Variants in GRM7 observed in about 807,000 individuals in gnomAD.
GRM7 encodes the protein metabotropic glutamate receptor 7.
Under a neutral mutation model 84.5 loss-of-function variants are expected in GRM7, and 35 were observed. The ratio of observed to expected loss-of-function variants is 0.41; its 90% CI spans 0.32 to 0.55. The LOEUF is 0.55. Among genes scored for constraint, GRM7 ranks in the 20% least tolerant of loss-of-function variants. The probability of loss-of-function intolerance (pLI) is 0.19; values close to 1 mark genes in which losing one functional copy is unlikely to be tolerated. For synonymous variants in GRM7, 487 were observed against 455.1 expected (o/e 1.07, Z -0.89); for missense variants, 1,003 against 1,194.6 (o/e 0.84, Z 2.36).
intron 4 of GRM7, among the ~76,000 whole-genome samples, chr3:7,337,124 C>T (rs1433678520): frequency 6.6e-6 from 1 of 152,088 alleles, no homozygotes; most frequent in Non-Finnish European, 1.5e-5. Flanking sequence ...CACTTACTTA[C>T]AGCCAACTGC....
At chr3:7,697,793 G>A (rs993451213) in intron 9 of GRM7, among the ~76,000 whole-genome samples, 1 of 152,138 alleles carries the variant, frequency 6.6e-6, no homozygotes, top group Non-Finnish European at 1.5e-5. Flanking sequence ...TCTGTCTTGT[G>A]TCTGAGGGAG....
intron 4 of GRM7, among the ~76,000 whole-genome samples, chr3:7,315,971 C>T (rs1178674073): frequency 6.6e-6 from 1 of 152,022 alleles, no homozygotes; most frequent in Non-Finnish European, 1.5e-5. Context: ...CATCAGTGGT[C>T]AGGGGTGTTG....
At chr3:7,395,685 A>T (rs1168920817) in intron 4 of GRM7, among the ~76,000 whole-genome samples, 1 of 152,296 alleles carries the variant, frequency 6.6e-6, no homozygotes, top group South Asian at 2.1e-4. Flanking sequence ...GCCTGCTGCC[A>T]TGTAAGATAT....
intron 1 of GRM7, among the ~76,000 whole-genome samples, chr3:6,877,840 CA>C (rs1695369854): frequency 7.0e-6 from 1 of 143,738 alleles, no homozygotes; most frequent in African/African-American, 2.5e-5. Context: ...CACACACACA[CA>C]CACACACACA....
In GRM7 at chr3:7,158,089, G is replaced by A. The variant is rs779118950; in HGVS notation, c.736+11421G>A. 1.9e-3 allele frequency among the ~76,000 whole-genome samples: 295 copies of A among 152,112 alleles called. 1 individual carries two copies. The highest frequency in any genetic ancestry group is 3.5e-3 in the Non-Finnish European group (235 of 68,010). ...AGTCTACTGTTTGTTGTTCAGTTGGGAAAATGCAAACTGTAGGAAGAGGAC... is the reference window on the plus strand; with the variant it reads ...AGTCTACTGTTTGTTGTTCAGTTGGAAAAATGCAAACTGTAGGAAGAGGAC... On this transcript the variant is annotated intron_variant, in intron 2 of 9. Transcript: ENST00000357716.
intron 8 of GRM7, among the ~76,000 whole-genome samples, chr3:7,596,320 A>G (rs1015479738): frequency 2.0e-5 from 3 of 152,188 alleles, no homozygotes; most frequent in Admixed American, 2.0e-4. Context: ...TGAGATGCTT[A>G]TGAACGGTGG....
At chr3:7,666,004 C>G (rs1437717295) in intron 8 of GRM7, among the ~76,000 whole-genome samples, 1 of 152,140 alleles carries the variant, frequency 6.6e-6, no homozygotes, top group Non-Finnish European at 1.5e-5. Context: ...CTGGCCATCA[C>G]AGAGCTTAAA....
chr3:7,518,047 T>G (rs1377896969), intron 7 of GRM7, among the ~76,000 whole-genome samples: 1 of 152,196 alleles, frequency 6.6e-6, no homozygotes, highest in Non-Finnish European at 1.5e-5. Flanking sequence ...ATTCCACTCC[T>G]GCTTCTATCC....
rs1178305243 is a variant in GRM7, at chr3:7,188,961, G to T, written c.736+42293G>T. Among the ~76,000 whole-genome samples the T allele has an allele frequency of 6.6e-6, 1 of 152,152 alleles. No individual in the cohort carries two copies. Among genetic ancestry groups the T allele is most frequent in the East Asian group, 1.9e-4 (1 of 5,194 alleles). ...GATGGATGTGTGTGGACTCATCTAG[G>T]AACAAAGAGCCTAGGAGCTGTACTT... On this transcript the variant is annotated intron_variant, in intron 2 of 9. Coordinates refer to ENST00000357716, the MANE Select transcript of GRM7 (RefSeq NM_000844.4). The surrounding 1 kb of genome is among the most constrained non-coding windows in gnomAD (Gnocchi z 4.2).
chr3:7,610,349 C>A (rs1421988293), intron 8 of GRM7, among the ~76,000 whole-genome samples: 1 of 152,282 alleles, frequency 6.6e-6, no homozygotes. Flanking sequence ...TGTGACAGCT[C>A]ATTACCAGGC....
At chr3:7,169,601 C>T (rs1694917161) in intron 2 of GRM7, among the ~76,000 whole-genome samples, 1 of 152,134 alleles carries the variant, frequency 6.6e-6, no homozygotes, top group South Asian at 2.1e-4. Flanking sequence ...GCTAGAATCC[C>T]AGGTAAAACG....
intron 2 of GRM7, among the ~76,000 whole-genome samples, chr3:7,256,617 G>GCA (rs1035035130): frequency 7.9e-5 from 12 of 151,318 alleles, no homozygotes; most frequent in East Asian, 3.9e-4. Flanking sequence ...AGCTACCTAT[G>GCA]CACACACACA....
At chr3:7,040,890 C>T (rs1215304246) in intron 1 of GRM7, among the ~76,000 whole-genome samples, 1 of 151,744 alleles carries the variant, frequency 6.6e-6, no homozygotes, top group Non-Finnish European at 1.5e-5. Context: ...CAAGACCACC[C>T]TGGGCAAAAC....
Position 7,294,548 on chromosome 3 carries a change from C to A in GRM7, c.737-4136C>A, listed in dbSNP as rs529749849. Among the ~76,000 whole-genome samples the A allele has an allele frequency of 5.8e-5, 8 of 137,176 alleles. 1 individual carries two copies. The South Asian group carries it at 1.7e-3, about 28-fold the overall frequency. The allele number at this position is 137,176 out of a possible 152,430, so 90.0% of individuals were successfully genotyped here. On this transcript the variant is annotated intron_variant, in intron 2 of 9. Coordinates refer to ENST00000357716, the MANE Select transcript of GRM7 (RefSeq NM_000844.4). ...CTTTCCTTCCTTTTCTCTATGCCAC[C>A]TTCCTAAGAGCTCCCTAAAAAAAAA...
intron 1 of GRM7, among the ~76,000 whole-genome samples, chr3:6,957,786 AAC>A (rs1693120528): frequency 6.6e-6 from 1 of 152,224 alleles, no homozygotes; most frequent in Admixed American, 6.5e-5. Context: ...GTGGTGAGAA[AAC>A]ACAGTGAAAA....
intron 1 of GRM7, among the ~76,000 whole-genome samples, chr3:7,026,682 T>C (rs1362343824): frequency 2.0e-5 from 3 of 152,218 alleles, no homozygotes; most frequent in Non-Finnish European, 2.9e-5. Flanking sequence ...TATCTGATGA[T>C]GTCAACTCAA....
chr3:6,891,636 C>T (rs1695952029), intron 1 of GRM7, among the ~76,000 whole-genome samples: 1 of 152,156 alleles, frequency 6.6e-6, no homozygotes, highest in African/African-American at 2.4e-5. Context: ...TTGTGGGTAA[C>T]CCGACCTTTC....
intron 1 of GRM7, among the ~76,000 whole-genome samples, chr3:6,875,058 C>G (rs555698522): frequency 3.9e-5 from 6 of 152,144 alleles, no homozygotes; most frequent in Admixed American, 2.0e-4. Context: ...CTATGCTTTT[C>G]ATCTGGCAGG....
intron 2 of GRM7, among the ~76,000 whole-genome samples, chr3:7,149,181 A>G (rs1694201277): frequency 6.6e-6 from 1 of 152,136 alleles, no homozygotes; most frequent in Non-Finnish European, 1.5e-5. Context: ...CTTCTTTTCA[A>G]TTAGAAGAAA....
Sources: allele counts gnomAD v4.1 joint callset (sites outside exome capture counted in the v4.1 genomes callset), GRCh38; gene constraint gnomAD v4.1.1; non-coding constraint Gnocchi (gnomAD v3.1); transcripts MANE v1.5; gene names NCBI Gene and HGNC (gene_info 2026-07-23, HGNC 2026-07-21).